MYO16: variants seen among roughly 807,000 people sequenced by gnomAD.
MYO16 encodes the protein myosin XVI.
MYO16 carries 94 observed loss-of-function variants against 205.3 expected under a neutral mutation model. The ratio of observed to expected loss-of-function variants is 0.46; its 90% CI spans 0.39 to 0.54. The LOEUF (loss-of-function observed/expected upper bound fraction) is 0.54. Ranked by LOEUF, MYO16 falls within the 20% of genes least tolerant of loss-of-function variation. The pLI, the probability that MYO16 is intolerant of heterozygous loss-of-function variation, is 0.00. For synonymous variants in MYO16, 988 were observed against 954.0 expected, an observed-to-expected ratio of 1.04 and a Z score of -0.66; for missense variants, 2,315 against 2,387.5, an observed-to-expected ratio of 0.97 and a Z score of 0.63.
chr13:108,563,304 C>G, the MYO16 span, among the ~76,000 whole-genome samples: 2 of 152,172 alleles, frequency 1.3e-5, no homozygotes, highest in East Asian at 3.9e-4. Context: ...TCCATCCCCT[C>G]AAGCACTTAT....
chr13:108,665,990 A>C lies in MYO16; in HGVS notation c.133A>C (p.Met45Leu). ...LGQRQRLVKR[M>L]RCEQIKAYYE... ...CCAACGGCAGCGTCTAGTGAAGCGC[A>C]TGCGCTGTGAGCAAATCAAAGCCTA... The change falls in exon 2 of 35, where the codon ATG becomes CTG. Residue 45 changes from methionine to leucine, a missense_variant. Coordinates refer to ENST00000457511, the MANE Select transcript of MYO16 (RefSeq NM_001198950.3). The C allele has an allele frequency of 6.2e-7, 1 of 1,614,160 alleles. No homozygotes were observed. Among genetic ancestry groups the C allele is most frequent in the Non-Finnish European group, 8.5e-7 (1 of 1,180,002 alleles).
intron 31 of MYO16, among the ~76,000 whole-genome samples, chr13:109,133,457 G>A (rs1012314125): frequency 2.0e-4 from 31 of 152,236 alleles, no homozygotes; most frequent in African/African-American, 7.5e-4. Context: ...TGACTTAAAA[G>A]TCACCGACAT....
chr13:109,108,809 G>T (rs775700895), intron 28 of MYO16, among the ~76,000 whole-genome samples: 1 of 152,132 alleles, frequency 6.6e-6, no homozygotes, highest in Non-Finnish European at 1.5e-5. Context: ...AGCTGGGGAC[G>T]TGCTGAGGCA....
intron 23 of MYO16, among the ~76,000 whole-genome samples, chr13:109,031,737 G>A (rs74990654): frequency 0.017 from 2,628 of 152,048 alleles, 78 homozygotes; most frequent in African/African-American, 0.06. Context: ...AAATATATTC[G>A]GCAAGATTAG....
rs556504893 is a variant in MYO16 at position 109,199,046 on chromosome 13, C to T, written c.5416-7563C>T. The stretch of plus-strand genomic sequence containing the variant: ...GTCAAATCCTGTGGAAACCCTTCTC[C>T]TCGCATGTTCTTCTCCCCTGTTCTA... On this transcript the variant is annotated intron_variant, in intron 34 of 34. Transcript: ENST00000457511. Among the ~76,000 whole-genome samples the T allele has an allele frequency of 2.5e-3, 377 of 151,788 alleles. 1 individual carries two copies. The highest frequency in any genetic ancestry group is 8.7e-3 in the African/African-American group (362 of 41,404).
At chr13:109,182,236 G>A (rs1039265063) in intron 34 of MYO16, among the ~76,000 whole-genome samples, 2 of 152,080 alleles carry the variant, frequency 1.3e-5, no homozygotes, top group African/African-American at 2.4e-5. Context: ...CACCTACCAC[G>A]ATGAAAATAC....
In MYO16 at chr13:109,141,423, C is replaced by G; in HGVS notation, c.5164+47C>G. The G allele has an allele frequency of 8.1e-7, 1 of 1,240,582 alleles. No individual in the cohort carries two copies. Among genetic ancestry groups the G allele is most frequent in the South Asian group, 1.7e-5 (1 of 60,590 alleles). 76.8% of individuals were successfully genotyped at this position (1,240,582 alleles called of 1,614,324 possible). ...CCACTCCTTTTGCATGGACGCTGTG[C>G]TTGCGTGCACCTGTGTACATCCGTG... is the stretch of plus-strand genomic sequence containing the variant. On this transcript the variant is annotated intron_variant, in intron 32 of 34. Transcript: ENST00000457511. The surrounding 1 kb of genome is among the most constrained non-coding windows in gnomAD (Gnocchi z 4.1).
At chr13:108,997,241 A>T (rs896388191) in intron 21 of MYO16, among the ~76,000 whole-genome samples, 2 of 151,482 alleles carry the variant, frequency 1.3e-5, no homozygotes, top group Non-Finnish European at 2.9e-5. Context: ...CTGCAGTGAG[A>T]TGGGATTGCG....
intron 9 of MYO16, among the ~76,000 whole-genome samples, chr13:108,839,778 C>G (rs1469607390): frequency 1.3e-5 from 2 of 152,164 alleles, no homozygotes; most frequent in African/African-American, 4.8e-5. Context: ...CTGATATAAA[C>G]ATAAAGCTCT....
chr13:108,991,232 G>A (rs903924975), intron 20 of MYO16, among the ~76,000 whole-genome samples: 1 of 152,132 alleles, frequency 6.6e-6, no homozygotes, highest in African/African-American at 2.4e-5. Context: ...CTCTTCACCT[G>A]ATCACCATTG....
chr13:108,817,070 T>C (rs1875656655), intron 7 of MYO16, among the ~76,000 whole-genome samples: 1 of 152,120 alleles, frequency 6.6e-6, no homozygotes, highest in Non-Finnish European at 1.5e-5. Flanking sequence ...TTGGAGAGCA[T>C]GTGGCAAAAT....
intron 22 of MYO16, among the ~76,000 whole-genome samples, chr13:109,009,844 A>C (rs1005677429): frequency 6.6e-6 from 1 of 152,144 alleles, no homozygotes; most frequent in African/African-American, 2.4e-5. Context: ...CTTTTTCTAA[A>C]ATTACAGCCC....
At chr13:109,001,889 G>A (rs1380248963) in intron 21 of MYO16, among the ~76,000 whole-genome samples, 3 of 151,388 alleles carry the variant, frequency 2.0e-5, no homozygotes, top group African/African-American at 4.9e-5. Context: ...TTTCAGCAAT[G>A]CTCAGTGTCT....
intron 14 of MYO16, among the ~76,000 whole-genome samples, chr13:108,892,228 C>T (rs1042693094): frequency 6.6e-6 from 1 of 152,120 alleles, no homozygotes; most frequent in Non-Finnish European, 1.5e-5. Context: ...TGAGCACCTG[C>T]ATAATTCTAC....
In MYO16 at chr13:109,023,670, A is replaced by AATATATGTATATATACATATATACGT. The variant is rs1886223159; in HGVS notation, c.2796+3782_2796+3783insCGTATATATGTATATATACATATATA. Among the ~76,000 whole-genome samples, 12 of 64,886 alleles carry AATATATGTATATATACATATATACGT rather than the reference A, an allele frequency of 1.8e-4. No individual in the cohort carries two copies. The East Asian group carries it at 2.1e-3, about 11-fold the overall frequency. The allele number at this position is 64,886 out of a possible 152,430, so 42.6% of individuals were successfully genotyped here. On this transcript the variant is annotated intron_variant, in intron 23 of 34. Coordinates refer to ENST00000457511, the MANE Select transcript of MYO16 (RefSeq NM_001198950.3). ...ATATATGTATATATGTATATATGCA[A>AATATATGTATATATACATATATACGT]ATATATGTATATATACATATATATG... is the stretch of plus-strand genomic sequence containing the variant.
At chr13:108,948,059 AG>A (rs1883003159) in intron 16 of MYO16, among the ~76,000 whole-genome samples, 2 of 152,180 alleles carry the variant, frequency 1.3e-5, no homozygotes, top group African/African-American at 4.8e-5. Flanking sequence ...TTCCTTGAGG[AG>A]GGGGAGACTT....
chr13:109,135,957 G>A (rs563739692), intron 31 of MYO16, among the ~76,000 whole-genome samples: 1 of 152,214 alleles, frequency 6.6e-6, no homozygotes, highest in Non-Finnish European at 1.5e-5. Flanking sequence ...TTCATGAAGG[G>A]TCTCATAAGT....
chr13:108,705,783 C>T (rs544302037), intron 2 of MYO16, among the ~76,000 whole-genome samples: 8 of 151,978 alleles, frequency 5.3e-5, no homozygotes, highest in South Asian at 4.2e-4. Context: ...CCACATGAAA[C>T]GAAAAAATTC....
chr13:109,147,902 G>T (rs903340097), intron 32 of MYO16, among the ~76,000 whole-genome samples: 6 of 152,104 alleles, frequency 3.9e-5, no homozygotes, highest in African/African-American at 1.2e-4. Context: ...CAGAGAAGGG[G>T]GGTCTCCATT....
Sources: allele counts gnomAD v4.1 joint callset (sites outside exome capture counted in the v4.1 genomes callset), GRCh38; gene constraint gnomAD v4.1.1; non-coding constraint Gnocchi (gnomAD v3.1); transcripts MANE v1.5; gene names NCBI Gene and HGNC (gene_info 2026-07-23, HGNC 2026-07-21).